The following INPP4B variants were observed in gnomAD, a reference collection of about 807,000 sequenced individuals.
INPP4B encodes the protein inositol polyphosphate-4-phosphatase type II B, also known as inositol polyphosphate 4-phosphatase type II.
Under a neutral mutation model 122.5 loss-of-function variants are expected in INPP4B, and 55 were observed. That is an observed-to-expected ratio of 0.45 (90% CI 0.36 to 0.56). The LOEUF is 0.56. INPP4B is among the 20% of genes least tolerant of loss of function. The pLI is 0.00. For missense variants in INPP4B, 1,000 were observed against 1,097.7 expected (o/e 0.91, Z 1.26); for synonymous variants, 403 against 388.7 (o/e 1.04, Z -0.43).
chr4:142,674,137 C>T (rs997981389), intron 2 of INPP4B, among the ~76,000 whole-genome samples: 1 of 152,140 alleles, frequency 6.6e-6, no homozygotes, highest in African/African-American at 2.4e-5. Flanking sequence ...CCAAGGCTCT[C>T]CCTATGGGTC....
At chr4:142,740,126 C>A (rs1767690601) in intron 1 of INPP4B, among the ~76,000 whole-genome samples, 1 of 151,914 alleles carries the variant, frequency 6.6e-6, no homozygotes, top group African/African-American at 2.4e-5. Flanking sequence ...TTCTAGGATT[C>A]AACAATTTTG....
intron 2 of INPP4B, among the ~76,000 whole-genome samples, chr4:142,570,384 T>C (rs978812425): frequency 1.3e-5 from 2 of 152,140 alleles, no homozygotes; most frequent in African/African-American, 4.8e-5. Flanking sequence ...AATATTTTAC[T>C]GTATTTTTTT....
intron 2 of INPP4B, among the ~76,000 whole-genome samples, chr4:142,710,222 A>G (rs1410730103): frequency 6.6e-6 from 1 of 152,212 alleles, no homozygotes; most frequent in Non-Finnish European, 1.5e-5. Flanking sequence ...AATGCCTTTA[A>G]CTGTATACTG....
At chr4:142,037,785 C>A (rs937253740) in intron 25 of INPP4B, among the ~76,000 whole-genome samples, 1 of 152,060 alleles carries the variant, frequency 6.6e-6, no homozygotes, top group Non-Finnish European at 1.5e-5. Context: ...AGATTTAAAT[C>A]CTGCAGATCT....
chr4:142,369,683 T>C (rs1789056506), intron 7 of INPP4B, among the ~76,000 whole-genome samples: 1 of 151,666 alleles, frequency 6.6e-6, no homozygotes, highest in East Asian at 1.9e-4. Flanking sequence ...TCCCAGCACT[T>C]TGGGAGGCCA....
chr4:142,598,171 C>T (rs921239010), intron 2 of INPP4B, among the ~76,000 whole-genome samples: 2 of 152,132 alleles, frequency 1.3e-5, no homozygotes, highest in East Asian at 3.9e-4. Context: ...TTGATATTGG[C>T]CAGGAGCCCC....
intron 2 of INPP4B, among the ~76,000 whole-genome samples, chr4:142,552,735 T>C (rs544824162): frequency 2.6e-5 from 4 of 152,350 alleles, no homozygotes; most frequent in African/African-American, 9.6e-5. Context: ...TATTACATTA[T>C]GTCTTAATAT....
intron 25 of INPP4B, among the ~76,000 whole-genome samples, chr4:142,068,000 G>C (rs546813250): frequency 6.6e-6 from 1 of 152,048 alleles, no homozygotes; most frequent in Non-Finnish European, 1.5e-5. Context: ...GATACTCCTC[G>C]AGAAGAGCAA....
chr4:142,376,485 G>C (rs561431564), intron 7 of INPP4B, among the ~76,000 whole-genome samples: 1 of 152,036 alleles, frequency 6.6e-6, no homozygotes, highest in African/African-American at 2.4e-5. Flanking sequence ...AAGGTCATCA[G>C]AGCATTTTGG....
chr4:142,709,391 G>A (rs1198440681), intron 2 of INPP4B, among the ~76,000 whole-genome samples: 1 of 152,096 alleles, frequency 6.6e-6, no homozygotes, highest in Non-Finnish European at 1.5e-5. Flanking sequence ...AGAGGCCAGA[G>A]GTGAAATAAT....
At chr4:142,121,534 C>T (rs2152747469) in intron 21 of INPP4B, among the ~76,000 whole-genome samples, 1 of 152,136 alleles carries the variant, frequency 6.6e-6, no homozygotes, top group East Asian at 1.9e-4. Flanking sequence ...TGTACCTCTT[C>T]TATTGGAGGT....
chr4:142,465,851 T>G (rs1217013279), intron 2 of INPP4B, among the ~76,000 whole-genome samples: 2 of 152,184 alleles, frequency 1.3e-5, no homozygotes, highest in East Asian at 1.9e-4. Flanking sequence ...CCTCCCCAGC[T>G]TGCTCCCTCT....
chr4:142,066,803 G>C (rs1247733833), intron 25 of INPP4B, among the ~76,000 whole-genome samples: 1 of 152,218 alleles, frequency 6.6e-6, no homozygotes, highest in Non-Finnish European at 1.5e-5. Context: ...CGAGGCTTCA[G>C]TAGGTAAACA....
chr4:142,578,588 T>A (rs549914635), intron 2 of INPP4B, among the ~76,000 whole-genome samples: 1 of 152,042 alleles, frequency 6.6e-6, no homozygotes, highest in Non-Finnish European at 1.5e-5. Context: ...TCTTTGTGTG[T>A]TCAAATTTCC....
At chr4:142,680,711 A>G (rs1322709891) in intron 2 of INPP4B, among the ~76,000 whole-genome samples, 1 of 151,920 alleles carries the variant, frequency 6.6e-6, no homozygotes, top group East Asian at 1.9e-4. Flanking sequence ...ACAGTTCTAC[A>G]GTTAGGCTGC....
intron 2 of INPP4B, among the ~76,000 whole-genome samples, chr4:142,625,367 G>A (rs958679327): frequency 1.3e-5 from 2 of 152,110 alleles, no homozygotes; most frequent in Admixed American, 1.3e-4. Flanking sequence ...AATCATGAGT[G>A]AACTCCCATT....
chr4:142,614,903 G>A (rs1743366538), intron 2 of INPP4B, among the ~76,000 whole-genome samples: 1 of 152,176 alleles, frequency 6.6e-6, no homozygotes, highest in African/African-American at 2.4e-5. Context: ...AGATGTTGGT[G>A]AGGATGCAGA....
intron 12 of INPP4B, among the ~76,000 whole-genome samples, chr4:142,214,405 C>A (rs1351934233): frequency 1.3e-5 from 2 of 152,172 alleles, no homozygotes; most frequent in Middle Eastern, 3.2e-3. Context: ...TCTGAGATGT[C>A]CTTCTTGAAC....
chr4:142,304,274 C>A (rs17015881), intron 9 of INPP4B, among the ~76,000 whole-genome samples: 3 of 151,910 alleles, frequency 2.0e-5, no homozygotes, highest in African/African-American at 4.8e-5. Flanking sequence ...AAACTGAAAA[C>A]AGTAACAGCA....
Sources: allele counts gnomAD v4.1 joint callset (sites outside exome capture counted in the v4.1 genomes callset), GRCh38; gene constraint gnomAD v4.1.1; transcripts MANE v1.5; gene names NCBI Gene and HGNC (gene_info 2026-07-23, HGNC 2026-07-21).